AKAP13: variants seen among roughly 807,000 people sequenced by gnomAD.
The protein encoded by AKAP13 is A-kinase anchoring protein 13.
AKAP13 carries 80 observed loss-of-function variants against 264.5 expected under a neutral mutation model. That is an observed-to-expected ratio of 0.30 (90% CI 0.25 to 0.36). The LOEUF (loss-of-function observed/expected upper bound fraction) is 0.36, where lower values mean the gene tolerates loss of function less well. Among genes scored for constraint, AKAP13 ranks in the 10% least tolerant of loss-of-function variants. AKAP13 has a pLI of 1.00. For missense variants in AKAP13, 3,712 were observed against 3,435.2 expected, an observed-to-expected ratio of 1.08 and a Z score of -2.01; for synonymous variants, 1,380 against 1,250.2, an observed-to-expected ratio of 1.10 and a Z score of -2.19.
At chr15:85,582,869 T>G in intron 7 of AKAP13, 1 of 985,510 alleles carries the variant, frequency 1.0e-6, no homozygotes, top group Non-Finnish European at 1.2e-6. Context: ...AGACCTTGTG[T>G]CTGCTTTATC....
chr15:85,579,519 A>T lies in AKAP13; in HGVS notation c.1451A>T (p.His484Leu). 6.2e-7 allele frequency: 1 copy of T among 1,614,186 alleles called. No homozygotes were observed. Among genetic ancestry groups the T allele is most frequent in the Non-Finnish European group, 8.5e-7 (1 of 1,180,026 alleles). Residue 484 changes from histidine to leucine, a missense_variant, in exon 7 of 37, where the codon CAT (histidine) becomes CTT (leucine). His to Leu is a moderately conservative substitution (Grantham distance 99, BLOSUM62 -3). Around this residue, in one of 3 missense-constraint regions of AKAP13, gnomAD observed 2,759 missense variants for 2,411.7 expected, o/e 1.14. Transcript: ENST00000394518. Reference sequence around the variant, plus strand: ...CCAGACACTGCAGGGGAAATGGAACATGGGCTCATGAACCCAGATGCCACT... The same window carrying T: ...CCAGACACTGCAGGGGAAATGGAACTTGGGCTCATGAACCCAGATGCCACT... ...STPDTAGEME[H>L]GLMNPDATVW...
At chr15:85,650,343 A>T (rs930914478) in intron 10 of AKAP13, among the ~76,000 whole-genome samples, 3 of 152,094 alleles carry the variant, frequency 2.0e-5, no homozygotes, top group African/African-American at 7.2e-5. Flanking sequence ...AGGCGAGAGG[A>T]TCACTTGAGC....
intron 1 of AKAP13, among the ~76,000 whole-genome samples, chr15:85,478,697 G>T (rs1159073842): frequency 3.3e-5 from 5 of 151,216 alleles, no homozygotes; most frequent in African/African-American, 1.2e-4. Context: ...TGCCTCCTTT[G>T]TCCCACTCCC....
intron 1 of AKAP13, among the ~76,000 whole-genome samples, chr15:85,406,606 A>G (rs2071679016): frequency 6.6e-6 from 1 of 151,418 alleles, no homozygotes; most frequent in East Asian, 1.9e-4. Flanking sequence ...GGAAGGTAGA[A>G]GAAGAGGTAC....
chr15:85,722,179 C>A (rs1372301936), intron 24 of AKAP13, 51 bp from the exon 25 acceptor site: 1 of 1,609,824 alleles, frequency 6.2e-7, no homozygotes, highest in South Asian at 1.1e-5. Flanking sequence ...TGTCGGCTTT[C>A]ACTAGAGCCT....
chr15:85,423,732 T>G (rs1183322969), intron 1 of AKAP13, among the ~76,000 whole-genome samples: 1 of 152,212 alleles, frequency 6.6e-6, no homozygotes. Flanking sequence ...TGCAGAAGGT[T>G]TTCAGTTGGC....
At chr15:85,447,941 C>T (rs374927874) in intron 1 of AKAP13, among the ~76,000 whole-genome samples, 7 of 152,174 alleles carry the variant, frequency 4.6e-5, no homozygotes, top group East Asian at 3.8e-4. Context: ...TTTGAGGAAT[C>T]GCTATACTGC....
At chr15:85,606,394 G>C (rs906587871) in intron 8 of AKAP13, among the ~76,000 whole-genome samples, 2 of 152,088 alleles carry the variant, frequency 1.3e-5, no homozygotes, top group Non-Finnish European at 2.9e-5. Flanking sequence ...GAGCCACAGT[G>C]CCCAGCCTAG....
At chr15:85,435,313 A>G (rs1219861667) in intron 1 of AKAP13, among the ~76,000 whole-genome samples, 3 of 136,816 alleles carry the variant, frequency 2.2e-5, no homozygotes, top group African/African-American at 2.7e-5. Context: ...ATATGGGACT[A>G]TGTGAAAAGA....
chr15:85,505,243 C>G (rs924107298), intron 2 of AKAP13, among the ~76,000 whole-genome samples: 5 of 152,186 alleles, frequency 3.3e-5, no homozygotes, highest in Non-Finnish European at 5.9e-5. Context: ...AGACACAGAA[C>G]TTGAGTAGAT....
chr15:85,526,004 A>G (rs761949735), intron 3 of AKAP13, among the ~76,000 whole-genome samples: 6 of 152,224 alleles, frequency 3.9e-5, no homozygotes, highest in Non-Finnish European at 8.8e-5. Context: ...ATTTATTTTT[A>G]GAATTCACAG....
intron 1 of AKAP13, among the ~76,000 whole-genome samples, chr15:85,384,011 T>G (rs2141829737): frequency 6.6e-6 from 1 of 152,320 alleles, no homozygotes; most frequent in South Asian, 2.1e-4. Flanking sequence ...CTAGCATAGT[T>G]TAGAATACTT....
chr15:85,566,658 G>T (rs549071117), intron 5 of AKAP13, among the ~76,000 whole-genome samples: 2 of 141,382 alleles, frequency 1.4e-5, no homozygotes, highest in Admixed American at 1.5e-4. Flanking sequence ...ATGGAGTCTC[G>T]CTCTGTTGCC....
Position 85,722,126 on chromosome 15 carries a change from A to G in AKAP13, c.6378+10A>G. On this transcript the variant is annotated intron_variant, in intron 24 of 36. Coordinates refer to ENST00000394518, the MANE Select transcript of AKAP13 (RefSeq NM_007200.5). The stretch of plus-strand genomic sequence containing the variant: ...TCAAGCCTTTGTAAAGGTATTGATA[A>G]GAAACATGAAAATCCCCGTTATTGT... 1 of 1,613,332 alleles carries G rather than the reference A, an allele frequency of 6.2e-7. No homozygotes were observed. The highest frequency in any genetic ancestry group is 1.1e-5 in the South Asian group (1 of 90,994).
intron 2 of AKAP13, among the ~76,000 whole-genome samples, chr15:85,502,042 C>T (rs2076050825): frequency 6.6e-6 from 1 of 152,134 alleles, no homozygotes; most frequent in South Asian, 2.1e-4. Flanking sequence ...ATTTGGGTCA[C>T]CAGGAGGGCT....
intron 8 of AKAP13, among the ~76,000 whole-genome samples, chr15:85,624,236 A>G (rs2081311299): frequency 6.8e-6 from 1 of 147,348 alleles, no homozygotes; most frequent in Non-Finnish European, 1.5e-5. Flanking sequence ...ATTTATAGAG[A>G]GTATTTTATA....
chr15:85,624,472 A>G (rs2081323159), intron 8 of AKAP13: 1 of 149,850 alleles, frequency 6.7e-6, no homozygotes, highest in African/African-American at 2.4e-5. Context: ...TGCTTACTGT[A>G]AGAGATGTCC....
chr15:85,604,501 T>C (rs2080235202), intron 8 of AKAP13, among the ~76,000 whole-genome samples: 1 of 151,994 alleles, frequency 6.6e-6, no homozygotes, highest in African/African-American at 2.4e-5. Flanking sequence ...CCTCGCTCTG[T>C]TGCTCAGGCT....
intron 8 of AKAP13, chr15:85,621,586 C>T (rs1231692361): frequency 6.6e-6 from 1 of 151,914 alleles, no homozygotes; most frequent in Non-Finnish European, 1.5e-5. Context: ...TAAAATAATG[C>T]TAAAATATAT....
Sources: gnomAD v4.1 joint callset for allele counts (sites outside exome capture counted in the v4.1 genomes callset) on GRCh38, gnomAD v4.1.1 for gene constraint, gnomAD v4.1.1 regional missense constraint, MANE v1.5 for transcripts, NCBI Gene and HGNC (gene_info 2026-07-23, HGNC 2026-07-21) for gene names.